ITGA8: variants seen among roughly 807,000 people sequenced by gnomAD.
ITGA8 encodes integrin alpha-8.
A neutral mutation model predicts 142.3 loss-of-function variants in ITGA8; 91 were observed. The ratio of observed to expected loss-of-function variants is 0.64; its 90% CI spans 0.54 to 0.76. ITGA8 has a LOEUF of 0.76. Ranked by LOEUF, ITGA8 falls within the 30% of genes least tolerant of loss-of-function variation. The pLI, the probability that ITGA8 is intolerant of heterozygous loss-of-function variation, is 0.00. For synonymous variants in ITGA8, 505 were observed against 485.2 expected, an observed-to-expected ratio of 1.04 and a Z score of -0.54; for missense variants, 1,406 against 1,327.7, an observed-to-expected ratio of 1.06 and a Z score of -0.92.
At chr10:15,517,733 C>T (rs1832989615) in intron 29 of ITGA8, among the ~76,000 whole-genome samples, 1 of 152,362 alleles carries the variant, frequency 6.6e-6, no homozygotes, top group African/African-American at 2.4e-5. Context: ...GAGTTTATTG[C>T]ATAGGCAAGG....
intron 2 of ITGA8, among the ~76,000 whole-genome samples, chr10:15,716,528 A>G (rs1835454875): frequency 6.6e-6 from 1 of 152,204 alleles, no homozygotes; most frequent in South Asian, 2.1e-4. Flanking sequence ...AATATAATTC[A>G]GCTACAATAA....
intron 20 of ITGA8, among the ~76,000 whole-genome samples, chr10:15,603,384 A>T (rs1833137159): frequency 6.6e-6 from 1 of 152,244 alleles, no homozygotes. Flanking sequence ...CTAAATGAAC[A>T]ATGCTATCAG....
intron 13 of ITGA8, among the ~76,000 whole-genome samples, chr10:15,638,817 G>A (rs1483032647): frequency 6.6e-6 from 1 of 152,150 alleles, no homozygotes; most frequent in Non-Finnish European, 1.5e-5. Flanking sequence ...CTGAACGCCT[G>A]TATGTCTGTG....
At chr10:15,598,866 T>C (rs1213909774) in intron 20 of ITGA8, among the ~76,000 whole-genome samples, 1 of 152,166 alleles carries the variant, frequency 6.6e-6, no homozygotes, top group Non-Finnish European at 1.5e-5. Context: ...CTAAAAAACA[T>C]CTTTTCAAAA....
At chr10:15,689,044 T>G (rs941671347) in intron 2 of ITGA8, among the ~76,000 whole-genome samples, 2 of 152,118 alleles carry the variant, frequency 1.3e-5, no homozygotes, top group Non-Finnish European at 2.9e-5. Flanking sequence ...GAAAAGAAGG[T>G]AAATCGTCCC....
chr10:15,639,352 T>C (rs906709201), intron 13 of ITGA8, among the ~76,000 whole-genome samples: 2 of 152,052 alleles, frequency 1.3e-5, no homozygotes, highest in Non-Finnish European at 2.9e-5. Flanking sequence ...CCGCCAAGAA[T>C]CTAGGGTGGT....
At chr10:15,707,961 GAC>G (rs138462340) in intron 2 of ITGA8, among the ~76,000 whole-genome samples, 9,216 of 144,828 alleles carry the variant, frequency 0.064, 675 homozygotes, top group African/African-American at 0.18. Flanking sequence ...TGCACACACC[GAC>G]ACACACACAC....
At chr10:15,638,117 CA>C (rs368318719) in intron 13 of ITGA8, among the ~76,000 whole-genome samples, 2 of 152,274 alleles carry the variant, frequency 1.3e-5, no homozygotes, top group African/African-American at 4.8e-5. Flanking sequence ...TTCCTTCCTC[CA>C]AAGACTAAAA....
rs1209007127 is a variant in ITGA8, at chr10:15,672,871, C to G, written c.677-122G>C. 3.7e-6 allele frequency: 4 copies of G among 1,074,706 alleles called. No homozygotes were observed. The African/African-American group carries it at 6.6e-5, about 18-fold the overall frequency. 66.6% of individuals were successfully genotyped at this position (1,074,706 alleles called of 1,614,324 possible). On this transcript the variant is annotated intron_variant, in intron 6 of 29. Coordinates refer to ENST00000378076, the MANE Select transcript of ITGA8 (RefSeq NM_003638.3). ...CTTGCTTTTTTGATGATGAATTTTC[C>G]CGCCTGCCGCTCAAACTCCAAGGCA...
chr10:15,675,265 A>G (rs984334970), intron 6 of ITGA8, among the ~76,000 whole-genome samples: 2 of 152,194 alleles, frequency 1.3e-5, no homozygotes, highest in African/African-American at 4.8e-5. Context: ...AACAAGAAGT[A>G]AACTCATCAT....
At chr10:15,683,521 C>G (rs537442286) in intron 4 of ITGA8, among the ~76,000 whole-genome samples, 1 of 152,316 alleles carries the variant, frequency 6.6e-6, no homozygotes, top group East Asian at 1.9e-4. Flanking sequence ...GATTAAACAT[C>G]TTAAGCAGAA....
intron 2 of ITGA8, among the ~76,000 whole-genome samples, chr10:15,706,703 G>T (rs756123834): frequency 2.1e-4 from 32 of 152,268 alleles, no homozygotes; most frequent in Non-Finnish European, 2.9e-4. Flanking sequence ...GTCTTCCAAA[G>T]TGCTGGGATT....
intron 13 of ITGA8, among the ~76,000 whole-genome samples, chr10:15,621,354 A>G (rs751302801): frequency 2.6e-5 from 4 of 152,142 alleles, no homozygotes; most frequent in African/African-American, 7.2e-5. Context: ...AAAAGGGGAC[A>G]TTGGCATGAA....
intron 2 of ITGA8, among the ~76,000 whole-genome samples, chr10:15,693,217 G>A (rs1212801008): frequency 6.6e-6 from 1 of 152,068 alleles, no homozygotes; most frequent in African/African-American, 2.4e-5. Context: ...AAAGACATTT[G>A]TACTAAGGGC....
At chr10:15,519,113 T>C (rs1345774220) in intron 29 of ITGA8, among the ~76,000 whole-genome samples, 177 bp downstream of exon 29, 2 of 152,206 alleles carry the variant, frequency 1.3e-5, no homozygotes, top group African/African-American at 4.8e-5. Context: ...GTCAGCTATA[T>C]AAACATATTA....
chr10:15,645,190 G>A (rs913301774), intron 12 of ITGA8, among the ~76,000 whole-genome samples: 50 of 149,782 alleles, frequency 3.3e-4, no homozygotes, highest in African/African-American at 1.1e-3. Context: ...GAACACTTTC[G>A]ACACTTTCTT....
chr10:15,678,928 G>T, intron 4 of ITGA8, 145 bp from the exon 5 acceptor site: 1 of 500,388 alleles, frequency 2.0e-6, no homozygotes, highest in Non-Finnish European at 3.5e-6. Context: ...TTTTTAAAAT[G>T]TTGTTCAAGT....
At position 15,606,299 on chromosome 10, in the gene ITGA8, T is replaced by C. The variant is rs755049074; in HGVS notation, c.1888A>G (p.Ile630Val). Residue 630 changes from isoleucine to valine, a missense_variant, in exon 18 of 30, where the codon ATT becomes GTT. Ile to Val is a conservative substitution (Grantham distance 29). Transcript: ENST00000378076. ...GAAGGACTTACCTGTTCACTAACAA[T>C]GTTTTCTCTGTAGTAGTTCAATATT... is the stretch of plus-strand genomic sequence containing the variant. ...KPILNYYREN[I>V]VSEQAHILVD... is the part of the protein sequence containing the mutation. The C allele has an allele frequency of 1.9e-6, 3 of 1,607,716 alleles. No homozygotes were observed. Among genetic ancestry groups the C allele is most frequent in the Non-Finnish European group, 2.6e-6 (3 of 1,175,024 alleles).
intron 27 of ITGA8, among the ~76,000 whole-genome samples, chr10:15,537,133 C>G (rs7914921): frequency 0.055 from 8,345 of 152,154 alleles, 742 homozygotes; most frequent in African/African-American, 0.19. Flanking sequence ...TTTGCATGTT[C>G]GTTACATGGA....
Sources: gnomAD v4.1 joint callset for allele counts (sites outside exome capture counted in the v4.1 genomes callset) on GRCh38, gnomAD v4.1.1 for gene constraint, MANE v1.5 for transcripts, NCBI Gene and HGNC (gene_info 2026-07-23, HGNC 2026-07-21) for gene names.